SLC23A2: variants seen among roughly 807,000 people sequenced by gnomAD.
SLC23A2 encodes the protein Na(+)/L-ascorbic acid transporter 2.
Under a neutral mutation model 73.3 loss-of-function variants are expected in SLC23A2, and 36 were observed. That is an observed-to-expected ratio of 0.49 (90% CI 0.38 to 0.65). The LOEUF (loss-of-function observed/expected upper bound fraction) is 0.65. Among genes scored for constraint, SLC23A2 ranks in the 30% least tolerant of loss-of-function variants. SLC23A2 has a pLI of 0.00. For synonymous variants in SLC23A2, 343 were observed against 327.3 expected, an observed-to-expected ratio of 1.05 and a Z score of -0.52; for missense variants, 507 against 841.6, an observed-to-expected ratio of 0.60 and a Z score of 4.92.
Position 4,909,699 on chromosome 20 carries a change from G to A in SLC23A2, c.207+3181C>T, listed in dbSNP as rs188205935. Among the ~76,000 whole-genome samples, 7 of 152,152 alleles carry A rather than the reference G, an allele frequency of 4.6e-5. No individual in the cohort carries two copies. In the East Asian group the frequency reaches 9.7e-4, roughly 21 times the overall value. The stretch of plus-strand genomic sequence containing the variant: ...CTCCCAAGTAGCTGGGATTACAGGC[G>A]AATGTCATGAAGCCCGGCTAAATTT... On this transcript the variant is annotated intron_variant, in intron 4 of 16. Transcript: ENST00000338244.
At chr20:4,881,613 C>G (rs188633947) in intron 9 of SLC23A2, among the ~76,000 whole-genome samples, 176 of 152,276 alleles carry the variant, frequency 1.2e-3, no homozygotes, top group Non-Finnish European at 1.5e-3. Context: ...CTCAAGAGAT[C>G]AGCTTTTAGA....
At chr20:4,957,984 A>G (rs957742805) in intron 2 of SLC23A2, among the ~76,000 whole-genome samples, 8 of 152,106 alleles carry the variant, frequency 5.3e-5, no homozygotes, top group Non-Finnish European at 8.8e-5. Context: ...CCACTCAACC[A>G]TAATCTCAAG....
chr20:4,982,673 G>A (rs574958571), intron 1 of SLC23A2, among the ~76,000 whole-genome samples: 1 of 152,306 alleles, frequency 6.6e-6, no homozygotes, highest in East Asian at 1.9e-4. Flanking sequence ...ACTAGGATAA[G>A]GGTAGCCATA....
At position 4,982,292 on chromosome 20, in the gene SLC23A2, C is replaced by T. The variant is rs530079804; in HGVS notation, c.-281-11373G>A. ...ACAGGCGTGAGCCACCGTGCCCGGA[C>T]GATGGCAATTTCTTAATTTGAAAAA... On this transcript the variant is annotated intron_variant, in intron 1 of 16. Transcript: ENST00000338244. 1.2e-4 allele frequency among the ~76,000 whole-genome samples: 18 copies of T among 152,326 alleles called. 1 individual carries two copies. Among genetic ancestry groups the T allele is most frequent in the Admixed American group, 9.2e-4 (14 of 15,290 alleles).
At chr20:4,928,103 A>G (rs1932731354) in intron 3 of SLC23A2, among the ~76,000 whole-genome samples, 2 of 152,174 alleles carry the variant, frequency 1.3e-5, no homozygotes, top group Admixed American at 1.3e-4. Flanking sequence ...CAATGACACA[A>G]CTGCTAACTC....
chr20:4,935,264 A>C (rs1312769744), intron 2 of SLC23A2, among the ~76,000 whole-genome samples: 2 of 151,954 alleles, frequency 1.3e-5, no homozygotes, highest in African/African-American at 4.8e-5. Context: ...TTAACATCAG[A>C]CTTCTTATCA....
At chr20:4,910,184 C>T (rs542014172) in intron 4 of SLC23A2, among the ~76,000 whole-genome samples, 2 of 152,088 alleles carry the variant, frequency 1.3e-5, no homozygotes, top group South Asian at 4.2e-4. Context: ...ACCAGCCTGA[C>T]CAACATGGTA....
Position 4,899,543 on chromosome 20 carries a change from C to A in SLC23A2, c.482+12G>T, listed in dbSNP as rs763383463. On this transcript the variant is annotated intron_variant, in intron 6 of 16. Coordinates refer to ENST00000338244, the MANE Select transcript of SLC23A2 (RefSeq NM_005116.6). The surrounding 1 kb of genome is among the most constrained non-coding windows in gnomAD (Gnocchi z 4.9). The stretch of plus-strand genomic sequence containing the variant: ...GGGGCTTTGGCATCCCCCATTAGTA[C>A]CCCAATCTCACCTGCATCCAAACGT... The A allele has an allele frequency of 1.1e-5, 18 of 1,613,738 alleles. No homozygotes were observed. In the East Asian group the frequency reaches 3.6e-4, roughly 32 times the overall value.
intron 3 of SLC23A2, among the ~76,000 whole-genome samples, chr20:4,928,636 C>A (rs529455354): frequency 3.3e-4 from 50 of 152,292 alleles, no homozygotes; most frequent in Admixed American, 2.9e-3. Flanking sequence ...TTCAATTTAG[C>A]ATAATTTTAA....
chr20:4,874,209 G>C, intron 10 of SLC23A2, 117 bp from the exon 11 acceptor site: 1 of 818,954 alleles, frequency 1.2e-6, no homozygotes, highest in Non-Finnish European at 1.8e-6. Flanking sequence ...TCAGTACTTT[G>C]CAGACCTTCC....
chr20:4,933,401 G>A (rs1362748385), intron 2 of SLC23A2, among the ~76,000 whole-genome samples: 1 of 151,930 alleles, frequency 6.6e-6, no homozygotes, highest in Non-Finnish European at 1.5e-5. Context: ...ATCACTTGAG[G>A]TCAGGAGTTT....
At chr20:4,891,163 A>C (rs1397612371) in intron 6 of SLC23A2, among the ~76,000 whole-genome samples, 1 of 151,830 alleles carries the variant, frequency 6.6e-6, no homozygotes, top group East Asian at 1.9e-4. Context: ...AGGGGAGGGG[A>C]GGTAGGGGAA....
chr20:4,948,119 G>A (rs988352280), intron 2 of SLC23A2, among the ~76,000 whole-genome samples: 3 of 152,202 alleles, frequency 2.0e-5, no homozygotes, highest in African/African-American at 7.2e-5. Context: ...CCTGCTGGGA[G>A]AAGGCAGGCT....
rs1328871514 is a variant in SLC23A2, at chr20:4,932,655, T to C, written c.-93A>G. On this transcript the variant is annotated 5_prime_UTR_variant, in exon 3 of 17. Transcript: ENST00000338244. ...GGAGCCCAGGATCAGCCGGCTCTTC[T>C]AGTGCCTGGAGCCCCCGATTCTCAA... The C allele has an allele frequency of 1.3e-6, 1 of 755,460 alleles. No individual in the cohort carries two copies. Among genetic ancestry groups the C allele is most frequent in the Non-Finnish European group, 2.4e-6 (1 of 417,418 alleles). The allele number at this position is 755,460 out of a possible 1,614,324, so 46.8% of individuals were successfully genotyped here.
chr20:4,902,300 AG>A lies in SLC23A2; in HGVS notation c.324+141del, dbSNP rs1931776046. On this transcript the variant is annotated intron_variant, in intron 5 of 16. Transcript: ENST00000338244. This position sits in a 1 kb window ranked among gnomAD's most constrained non-coding sequence, Gnocchi z 4.0. ...ATTACAGGCATCAGCCACTGTGCTC[AG>A]CCCCTACTCATCACTCTTAAAAGAG... 3.6e-6 allele frequency: 2 copies of A among 549,298 alleles called. No individual in the cohort carries two copies. The highest frequency in any genetic ancestry group is 3.8e-4 in the Middle Eastern group (1 of 2,636). The allele number at this position is 549,298 out of a possible 1,614,324, so 34.0% of individuals were successfully genotyped here. A position where few individuals can be genotyped will look rare whatever the true frequency, so the allele number is the denominator to read the frequency against.
At chr20:4,955,845 T>TA (rs552938835) in intron 2 of SLC23A2, among the ~76,000 whole-genome samples, 3,923 of 148,006 alleles carry the variant, frequency 0.027, 54 homozygotes, top group Middle Eastern at 0.049. Flanking sequence ...GATTGAGCTT[T>TA]AAAAAAAAAA....
chr20:4,954,714 A>G (rs939749682), intron 2 of SLC23A2, among the ~76,000 whole-genome samples: 2 of 149,198 alleles, frequency 1.3e-5, no homozygotes, highest in Non-Finnish European at 3.0e-5. Flanking sequence ...AAAAAAAAAA[A>G]AAGAAAGAAA....
chr20:4,997,566 T>G (rs1365160690), intron 1 of SLC23A2, among the ~76,000 whole-genome samples: 1 of 152,160 alleles, frequency 6.6e-6, no homozygotes, highest in East Asian at 1.9e-4. Context: ...TATTTAGAGA[T>G]AGAGCCTTTA....
chr20:4,899,863 CT>C lies in SLC23A2; in HGVS notation c.325-152del. 1.3e-6 allele frequency: 1 copy of C among 772,782 alleles called. No homozygotes were observed. Among genetic ancestry groups the C allele is most frequent in the Admixed American group, 2.8e-5 (1 of 35,132 alleles). The allele number at this position is 772,782 out of a possible 1,614,324, so 47.9% of individuals were successfully genotyped here. ...TCGACCAAGCCATACTTTTTTCCTT[CT>C]TTTTCAGTATTTCTCCTTTGTTGTT... On this transcript the variant is annotated intron_variant, in intron 5 of 16. Coordinates refer to ENST00000338244, the MANE Select transcript of SLC23A2 (RefSeq NM_005116.6). This position sits in a 1 kb window ranked among gnomAD's most constrained non-coding sequence, Gnocchi z 4.9.
Sources: gnomAD v4.1 joint callset for allele counts (sites outside exome capture counted in the v4.1 genomes callset) on GRCh38, gnomAD v4.1.1 for gene constraint, Gnocchi (gnomAD v3.1) non-coding constraint, MANE v1.5 for transcripts, NCBI Gene and HGNC (gene_info 2026-07-23, HGNC 2026-07-21) for gene names.